Variants in ARL5A observed in about 807,000 individuals in gnomAD.
ARL5A encodes ADP-ribosylation factor-like protein 5A.
ARL5A carries 18 observed loss-of-function variants against 25.9 expected under a neutral mutation model. That is an observed-to-expected ratio of 0.69 (90% CI 0.48 to 1.03). ARL5A has a LOEUF of 1.03. Ranked by LOEUF, ARL5A falls within the 50% of genes least tolerant of loss-of-function variation. ARL5A has a pLI of 0.00. For missense variants in ARL5A, 170 were observed against 211.9 expected, an observed-to-expected ratio of 0.80 and a Z score of 1.23; for synonymous variants, 61 against 67.5, an observed-to-expected ratio of 0.90 and a Z score of 0.47.
chr2:151,823,428 T>C (rs1340327524), intron 1 of ARL5A, among the ~76,000 whole-genome samples: 1 of 151,728 alleles, frequency 6.6e-6, no homozygotes, highest in East Asian at 1.9e-4. Context: ...CACTATGAGG[T>C]TGCTGAAAAA....
intron 4 of ARL5A, 103 bp from the exon 5 acceptor site, chr2:151,807,075 A>G: frequency 9.2e-7 from 1 of 1,090,694 alleles, no homozygotes; most frequent in Non-Finnish European, 1.3e-6. Flanking sequence ...AGAATTTCTC[A>G]ACTATGTGAC....
chr2:151,822,034 G>A (rs1159330669), intron 1 of ARL5A, among the ~76,000 whole-genome samples: 2 of 152,016 alleles, frequency 1.3e-5, no homozygotes, highest in African/African-American at 4.8e-5. Flanking sequence ...ATTTTTAGTA[G>A]AGACAGGATT....
At chr2:151,827,843 AG>A (rs2099833293) in intron 1 of ARL5A, 3 of 455,998 alleles carry the variant, frequency 6.6e-6, no homozygotes, top group Non-Finnish European at 1.2e-5. Context: ...CGTCGGACCT[AG>A]GGCAAGAAAC....
intron 1 of ARL5A, among the ~76,000 whole-genome samples, chr2:151,817,909 G>A (rs1198891591): frequency 1.3e-5 from 2 of 152,170 alleles, no homozygotes; most frequent in African/African-American, 4.8e-5. Context: ...GGAGGCTGAG[G>A]CAGAAAAATC....
intron 4 of ARL5A, chr2:151,810,543 T>C: frequency 4.5e-6 from 2 of 445,172 alleles, no homozygotes; most frequent in Non-Finnish European, 9.0e-6. Flanking sequence ...TAGGCCCTAC[T>C]TAGGTCTTCT....
intron 4 of ARL5A, among the ~76,000 whole-genome samples, chr2:151,808,046 C>T (rs917984691): frequency 2.0e-5 from 3 of 152,154 alleles, no homozygotes; most frequent in Non-Finnish European, 4.4e-5. Flanking sequence ...ACAGATCTTT[C>T]CCCCCAAAAC....
intron 1 of ARL5A, among the ~76,000 whole-genome samples, chr2:151,823,015 T>C (rs1433352406): frequency 6.6e-6 from 1 of 152,190 alleles, no homozygotes; most frequent in East Asian, 1.9e-4. Context: ...AGAATTACTA[T>C]CTCTGTGAAT....
chr2:151,820,863 T>C (rs2099832213), intron 1 of ARL5A, among the ~76,000 whole-genome samples: 1 of 151,960 alleles, frequency 6.6e-6, no homozygotes, highest in Admixed American at 6.6e-5. Context: ...TAGGTTATTG[T>C]TAGGGTAGAA....
At chr2:151,826,519 T>C (rs2099833073) in intron 1 of ARL5A, among the ~76,000 whole-genome samples, 1 of 152,246 alleles carries the variant, frequency 6.6e-6, no homozygotes, top group Non-Finnish European at 1.5e-5. Context: ...GATAACTCTT[T>C]TTCTGGCAGC....
Position 151,803,308 on chromosome 2 carries a change from C to A in ARL5A, c.508G>T (p.Glu170Ter). The A allele has an allele frequency of 6.2e-7, 1 of 1,612,816 alleles. No individual in the cohort carries two copies. The highest frequency in any genetic ancestry group is 1.1e-5 in the South Asian group (1 of 91,044). Residue 170 changes from glutamate to a stop codon, truncating the protein, a stop_gained, in exon 6 of 6, where the codon GAA becomes TAA. Coordinates refer to ENST00000295087, the MANE Select transcript of ARL5A (RefSeq NM_012097.4). LOFTEE classifies it high-confidence loss of function. ...LTGEGLCQGL[E>*]WMMSRLKIR ...ATCTTAAGTCGTGACATCATCCATT[C>A]AAGTCCTTGGCACAATCTATAAAGA...
At chr2:151,820,030 G>C (rs1435455236) in intron 1 of ARL5A, among the ~76,000 whole-genome samples, 1 of 152,118 alleles carries the variant, frequency 6.6e-6, no homozygotes, top group African/African-American at 2.4e-5. Context: ...AGCTGAACAT[G>C]ATCACCAAGG....
chr2:151,822,571 T>C (rs927930735), intron 1 of ARL5A, among the ~76,000 whole-genome samples: 3 of 152,224 alleles, frequency 2.0e-5, no homozygotes, highest in Admixed American at 2.0e-4. Flanking sequence ...AGCCAAAAAG[T>C]GCTATAATGC....
rs1283434787 is a variant in ARL5A at position 151,802,679 on chromosome 2, A to T, written c.*597T>A. 2 of 152,412 alleles carry T rather than the reference A, an allele frequency of 1.3e-5. No homozygotes were observed. Among genetic ancestry groups the T allele is most frequent in the Non-Finnish European group, 2.9e-5 (2 of 68,034 alleles). The allele number at this position is 152,412 out of a possible 1,614,324, so 9.4% of individuals were successfully genotyped here. On this transcript the variant is annotated 3_prime_UTR_variant, in exon 6 of 6. Transcript: ENST00000295087. ...TACAATACAGAGAACACAGAGAGAA[A>T]GTATAAAATGGCACTGAACACTAAT...
rs2099829216 is a variant in ARL5A, at chr2:151,800,166, A to C, written c.*3110T>G. ...AAAAATGCCTCCAGAGAAAACTAGA[A>C]AGTTGTCTATAGATTTTCTATTTAC... On this transcript the variant is annotated 3_prime_UTR_variant, in exon 6 of 6. Coordinates refer to ENST00000295087, the MANE Select transcript of ARL5A (RefSeq NM_012097.4). 1 of 152,164 alleles carries C rather than the reference A, an allele frequency of 6.6e-6. No individual in the cohort carries two copies. The highest frequency in any genetic ancestry group is 1.5e-5 in the Non-Finnish European group (1 of 68,040). 9.4% of individuals were successfully genotyped at this position (152,164 alleles called of 1,614,324 possible).
intron 1 of ARL5A, among the ~76,000 whole-genome samples, chr2:151,822,295 G>A (rs1469583311): frequency 1.3e-5 from 2 of 152,230 alleles, no homozygotes; most frequent in Non-Finnish European, 2.9e-5. Flanking sequence ...ACAGGCATGA[G>A]CCACTGCGTC....
rs1342482215 is a variant in ARL5A at position 151,801,703 on chromosome 2, G to C, written c.*1573C>G. The C allele has an allele frequency of 6.6e-6, 1 of 152,018 alleles. No homozygotes were observed. Among genetic ancestry groups the C allele is most frequent in the Non-Finnish European group, 1.5e-5 (1 of 67,912 alleles). The allele number at this position is 152,018 out of a possible 1,614,324, so 9.4% of individuals were successfully genotyped here. ...CATTTTAAAGAAAGAAACTTTCAAA[G>C]TTTTGTCAATACTTAAACTATATAC... On this transcript the variant is annotated 3_prime_UTR_variant, in exon 6 of 6. Coordinates refer to ENST00000295087, the MANE Select transcript of ARL5A (RefSeq NM_012097.4).
At chr2:151,808,587 T>C (rs992731152) in intron 4 of ARL5A, among the ~76,000 whole-genome samples, 13 of 152,338 alleles carry the variant, frequency 8.5e-5, no homozygotes, top group African/African-American at 3.1e-4. Flanking sequence ...ACTGCTACAA[T>C]GTTTGCAATT....
rs530792472 is a variant in ARL5A, at chr2:151,827,007, A to G, written c.46+1124T>C. Reference sequence around the variant, plus strand: ...CTGCTTGCTTCCCCTAAGCTTCTTAAAAGAGCAGCTAGATCATGAAGGAGG... The same window carrying G: ...CTGCTTGCTTCCCCTAAGCTTCTTAGAAGAGCAGCTAGATCATGAAGGAGG... On this transcript the variant is annotated intron_variant, in intron 1 of 5. Transcript: ENST00000295087. 1.2e-4 allele frequency among the ~76,000 whole-genome samples: 19 copies of G among 152,322 alleles called. No homozygotes were observed. In the South Asian group the frequency reaches 3.5e-3, roughly 28 times the overall value.
At chr2:151,821,082 C>T (rs1195575951) in intron 1 of ARL5A, among the ~76,000 whole-genome samples, 2 of 152,174 alleles carry the variant, frequency 1.3e-5, no homozygotes, top group African/African-American at 2.4e-5. Flanking sequence ...TCTTGACCTA[C>T]GTACTAAAAC....
Sources: allele counts gnomAD v4.1 joint callset (sites outside exome capture counted in the v4.1 genomes callset), GRCh38; gene constraint gnomAD v4.1.1; transcripts MANE v1.5; gene names NCBI Gene and HGNC (gene_info 2026-07-23, HGNC 2026-07-21).